Variants in ARHGEF10 observed in about 807,000 individuals in gnomAD.
The protein encoded by ARHGEF10 is Rho guanine nucleotide exchange factor (GEF) 10.
ARHGEF10 carries 140 observed loss-of-function variants against 147.4 expected under a neutral mutation model. The ratio of observed to expected loss-of-function variants is 0.95; its 90% confidence interval spans 0.83 to 1.09. The LOEUF (loss-of-function observed/expected upper bound fraction) is 1.09. Ranked by LOEUF, ARHGEF10 falls within the 50% of genes least tolerant of loss-of-function variation. The pLI, the probability that ARHGEF10 is intolerant of heterozygous loss-of-function variation, is 0.00. For synonymous variants in ARHGEF10, 902 were observed against 695.8 expected (o/e 1.30, Z -4.67); for missense variants, 2,222 against 1,752.7 (o/e 1.27, Z -4.78).
At chr8:1,858,163 G>C in intron 3 of ARHGEF10, 48 bp downstream of exon 3, 1 of 1,563,716 alleles carries the variant, frequency 6.4e-7, no homozygotes, top group Admixed American at 1.8e-5. Context: ...TGGGTCCCCA[G>C]GTGAGTCCCC....
chr8:1,939,368 CA>C (rs1260569115), intron 26 of ARHGEF10, among the ~76,000 whole-genome samples: 2 of 152,248 alleles, frequency 1.3e-5, no homozygotes, highest in African/African-American at 4.8e-5. Flanking sequence ...AGAGCAACCA[CA>C]GATGGTTAAG....
chr8:1,843,785 G>T (rs181582513), intron 2 of ARHGEF10, among the ~76,000 whole-genome samples: 1 of 152,194 alleles, frequency 6.6e-6, no homozygotes, highest in East Asian at 1.9e-4. Context: ...TGAAGGCCTC[G>T]CTCAGGCTTA....
intron 25 of ARHGEF10, 73 bp from the exon 26 acceptor site, chr8:1,933,727 A>T: frequency 1.3e-6 from 2 of 1,547,184 alleles, no homozygotes; most frequent in Non-Finnish European, 1.8e-6. Context: ...ACTTAAAATG[A>T]TGTATGACCC....
intron 5 of ARHGEF10, among the ~76,000 whole-genome samples, chr8:1,865,689 A>G (rs956802449): frequency 2.0e-5 from 3 of 151,230 alleles, no homozygotes; most frequent in Non-Finnish European, 4.4e-5. Flanking sequence ...AGAAGTCGTC[A>G]TCGTGGGGTG....
chr8:1,831,307 C>T (rs982470358), intron 1 of ARHGEF10, among the ~76,000 whole-genome samples: 1 of 137,388 alleles, frequency 7.3e-6, no homozygotes. Context: ...GTGTGACATC[C>T]ATGGAGGGAC....
intron 9 of ARHGEF10, 36 bp downstream of exon 9, chr8:1,880,200 C>G: frequency 2.0e-6 from 3 of 1,482,738 alleles, no homozygotes; most frequent in Non-Finnish European, 2.8e-6. Context: ...CCCCACTTGC[C>G]AGCCGGGCAG....
intron 1 of ARHGEF10, among the ~76,000 whole-genome samples, chr8:1,836,437 G>A (rs1257224880): frequency 3.3e-5 from 5 of 152,288 alleles, no homozygotes; most frequent in Non-Finnish European, 5.9e-5. Flanking sequence ...AACGATGCCG[G>A]TGAGGTCCAG....
At chr8:1,839,696 G>A (rs1180268340) in intron 1 of ARHGEF10, among the ~76,000 whole-genome samples, 3 of 144,656 alleles carry the variant, frequency 2.1e-5, no homozygotes, top group East Asian at 2.2e-4. Context: ...GGGACTGTCC[G>A]GTGTGGGGAC....
Position 1,889,303 on chromosome 8 carries a change from C to T in ARHGEF10, c.1182+3596C>T, listed in dbSNP as rs1368699944. ...GGTGAGGGTTTGTGAGGAGATACTG[C>T]ATGGGGTGAGCTTTCTTAGGAGACA... is the stretch of plus-strand genomic sequence containing the variant. On this transcript the variant is annotated intron_variant, in intron 11 of 28. Coordinates refer to ENST00000349830, the MANE Select transcript of ARHGEF10 (RefSeq NM_014629.4). 6.1e-5 allele frequency among the ~76,000 whole-genome samples: 5 copies of T among 81,746 alleles called. 2 individuals carry two copies. The highest frequency in any genetic ancestry group is 1.3e-4 in the Admixed American group (1 of 7,898). 53.6% of individuals were successfully genotyped at this position (81,746 alleles called of 152,430 possible).
intron 2 of ARHGEF10, among the ~76,000 whole-genome samples, chr8:1,849,253 C>A (rs193132010): frequency 2.8e-4 from 42 of 150,334 alleles, no homozygotes; most frequent in Admixed American, 6.6e-4. Flanking sequence ...GGGACACAGA[C>A]GGCAAATGCT....
chr8:1,930,526 C>T (rs1011411406), intron 25 of ARHGEF10, among the ~76,000 whole-genome samples: 1 of 150,212 alleles, frequency 6.7e-6, no homozygotes, highest in African/African-American at 2.4e-5. Flanking sequence ...GTGGTGAGTC[C>T]CCAGTGTACT....
intron 2 of ARHGEF10, among the ~76,000 whole-genome samples, chr8:1,855,658 G>C (rs1365250920): frequency 6.6e-6 from 1 of 151,924 alleles, no homozygotes. Flanking sequence ...TGAAAGTGCT[G>C]GGATTACACG....
intron 11 of ARHGEF10, among the ~76,000 whole-genome samples, chr8:1,891,366 C>G (rs148700578): frequency 1.3e-3 from 201 of 152,258 alleles, no homozygotes; most frequent in African/African-American, 4.5e-3. Flanking sequence ...AAACATAACT[C>G]TAAAATGCTG....
At chr8:1,927,740 C>T (rs1812796180) in intron 23 of ARHGEF10, among the ~76,000 whole-genome samples, 1 of 152,044 alleles carries the variant, frequency 6.6e-6, no homozygotes, top group Non-Finnish European at 1.5e-5. Flanking sequence ...ATAGTGAAAC[C>T]CCGTCTGTAC....
At chr8:1,908,778 G>A (rs1406393436) in intron 17 of ARHGEF10, among the ~76,000 whole-genome samples, 2 of 140,222 alleles carry the variant, frequency 1.4e-5, no homozygotes, top group African/African-American at 2.7e-5. Context: ...AAAATAATCT[G>A]TATAAGTCAT....
At chr8:1,890,742 T>C (rs1411511272) in intron 11 of ARHGEF10, among the ~76,000 whole-genome samples, 3 of 140,802 alleles carry the variant, frequency 2.1e-5, no homozygotes, top group Non-Finnish European at 4.6e-5. Context: ...CGAGGTTCTG[T>C]GAAGAGAGAG....
At chr8:1,867,493 T>G (rs945967165) in intron 6 of ARHGEF10, among the ~76,000 whole-genome samples, 2 of 152,192 alleles carry the variant, frequency 1.3e-5, no homozygotes, top group African/African-American at 4.8e-5. Flanking sequence ...TTATGTACAT[T>G]TAAACCTGTA....
chr8:1,889,232 GA>G (rs145696510), intron 11 of ARHGEF10, among the ~76,000 whole-genome samples: 10 of 114,078 alleles, frequency 8.8e-5, no homozygotes, highest in South Asian at 3.9e-4. Flanking sequence ...TGAGGGTTGT[GA>G]GGAGACATTG....
chr8:1,858,440 A>G (rs950479199), intron 3 of ARHGEF10, among the ~76,000 whole-genome samples: 2 of 152,166 alleles, frequency 1.3e-5, no homozygotes, highest in East Asian at 1.9e-4. Flanking sequence ...TTAATTTAAG[A>G]TTGGCTAAGT....
Sources: gnomAD v4.1 joint callset for allele counts (sites outside exome capture counted in the v4.1 genomes callset) on GRCh38, gnomAD v4.1.1 for gene constraint, MANE v1.5 for transcripts, NCBI Gene and HGNC (gene_info 2026-07-23, HGNC 2026-07-21) for gene names.